Variants in TTBK2 observed in about 807,000 individuals in gnomAD.
TTBK2 encodes the protein tau tubulin kinase 2.
In TTBK2, 28 loss-of-function variants were observed where a neutral mutation model predicts 110.8. The observed-to-expected ratio is 0.25, with a 90% CI of 0.19 to 0.35. TTBK2 has a LOEUF of 0.35. TTBK2 is among the 10% of genes least tolerant of loss of function. TTBK2 has a pLI of 1.00. For synonymous variants in TTBK2, 532 were observed against 527.3 expected (o/e 1.01, Z -0.12); for missense variants, 1,369 against 1,500.3 (o/e 0.91, Z 1.45).
At chr15:42,851,985 G>A (rs906088061) in intron 3 of TTBK2, among the ~76,000 whole-genome samples, 2 of 152,026 alleles carry the variant, frequency 1.3e-5, no homozygotes, top group East Asian at 1.9e-4. Context: ...AAGTATCAAC[G>A]AGCCTAACAT....
At chr15:42,787,408 A>G (rs958152748) in intron 10 of TTBK2, among the ~76,000 whole-genome samples, 2 of 152,216 alleles carry the variant, frequency 1.3e-5, no homozygotes, top group African/African-American at 4.8e-5. Context: ...ATTCTACCAT[A>G]TCATTTGCAA....
intron 13 of TTBK2, among the ~76,000 whole-genome samples, chr15:42,758,381 C>T (rs991197904): frequency 1.4e-4 from 21 of 152,042 alleles, no homozygotes; most frequent in Admixed American, 9.2e-4. Flanking sequence ...ATAGGCTGGG[C>T]GCGGTGGCTC....
At chr15:42,857,813 T>G (rs1238291284) in intron 3 of TTBK2, among the ~76,000 whole-genome samples, 3 of 152,164 alleles carry the variant, frequency 2.0e-5, no homozygotes, top group Non-Finnish European at 4.4e-5. Context: ...CCAGGCTCTG[T>G]GGCTCACATC....
At chr15:42,761,716 G>A (rs879846633) in intron 13 of TTBK2, among the ~76,000 whole-genome samples, 1 of 152,036 alleles carries the variant, frequency 6.6e-6, no homozygotes, top group Non-Finnish European at 1.5e-5. Flanking sequence ...TAGTCATCAG[G>A]GAAATGCAAA....
At position 42,742,572 on chromosome 15, in the gene TTBK2, A is replaced by G. The variant is rs563842930; in HGVS notation, c.*3223T>C. The G allele has an allele frequency of 2.0e-5, 3 of 152,312 alleles. No individual in the cohort carries two copies. Among genetic ancestry groups the G allele is most frequent in the Admixed American group, 6.5e-5 (1 of 15,298 alleles). The allele number at this position is 152,312 out of a possible 1,614,324, so 9.4% of individuals were successfully genotyped here. The stretch of plus-strand genomic sequence containing the variant: ...TTCAGGAGAAATGCTACCTAAAGTG[A>G]TTGAGCTGTTGCTAATTCTACCTTC... On this transcript the variant is annotated 3_prime_UTR_variant, in exon 15 of 15. Coordinates refer to ENST00000267890, the MANE Select transcript of TTBK2 (RefSeq NM_173500.4).
intron 9 of TTBK2, chr15:42,802,299 C>T (rs749607080): frequency 2.5e-5 from 20 of 788,526 alleles, no homozygotes; most frequent in South Asian, 1.5e-4. Flanking sequence ...GGGAGAAGCT[C>T]GAGGAGCTGA....
intron 1 of TTBK2, among the ~76,000 whole-genome samples, chr15:42,880,120 T>C (rs1894982403): frequency 6.6e-6 from 1 of 152,038 alleles, no homozygotes; most frequent in Admixed American, 6.6e-5. Flanking sequence ...ATGTTTTACA[T>C]ATGATTAAAA....
At chr15:42,787,842 G>T (rs541040260) in intron 10 of TTBK2, among the ~76,000 whole-genome samples, 1 of 151,834 alleles carries the variant, frequency 6.6e-6, no homozygotes, top group Admixed American at 6.6e-5. Context: ...TTAACAACGG[G>T]GATACATTCT....
intron 3 of TTBK2, among the ~76,000 whole-genome samples, chr15:42,865,581 G>A (rs923158756): frequency 2.0e-5 from 3 of 150,820 alleles, no homozygotes; most frequent in African/African-American, 7.3e-5. Flanking sequence ...CCAGCACTTT[G>A]TGAGGCTGAG....
intron 9 of TTBK2, among the ~76,000 whole-genome samples, chr15:42,802,669 A>T (rs531027683): frequency 6.6e-6 from 1 of 152,324 alleles, no homozygotes; most frequent in African/African-American, 2.4e-5. Flanking sequence ...ACGGGGATAC[A>T]TTCTGAGAAA....
intron 9 of TTBK2, among the ~76,000 whole-genome samples, chr15:42,808,806 C>T (rs1485937728): frequency 1.3e-5 from 2 of 152,144 alleles, no homozygotes; most frequent in Non-Finnish European, 2.9e-5. Context: ...GCCATGTTTG[C>T]ACCAACTGCA....
intron 1 of TTBK2, among the ~76,000 whole-genome samples, chr15:42,889,119 T>G (rs1020468607): frequency 6.6e-6 from 1 of 152,142 alleles, no homozygotes; most frequent in African/African-American, 2.4e-5. Flanking sequence ...AAATCTATCC[T>G]CAAGGAAATC....
rs145576687 is a variant in TTBK2 at position 42,744,829 on chromosome 15, G to C, written c.*966C>G. 2.6e-5 allele frequency: 4 copies of C among 152,190 alleles called. No homozygotes were observed. Among genetic ancestry groups the C allele is most frequent in the Non-Finnish European group, 4.4e-5 (3 of 68,142 alleles). 9.4% of individuals were successfully genotyped at this position (152,190 alleles called of 1,614,324 possible). Reference sequence around the variant, plus strand: ...CAGTCCAAAGCATTGTGCTTCCCTCGTATCATCTTGGATGCTGATATTACA... The same window carrying C: ...CAGTCCAAAGCATTGTGCTTCCCTCCTATCATCTTGGATGCTGATATTACA... On this transcript the variant is annotated 3_prime_UTR_variant, in exon 15 of 15. Transcript: ENST00000267890.
In TTBK2 at chr15:42,783,449, G is replaced by T. The variant is rs947458869; in HGVS notation, c.1167C>A (p.Asn389Lys). 5.6e-6 allele frequency: 9 copies of T among 1,614,014 alleles called. No homozygotes were observed. Among genetic ancestry groups the T allele is most frequent in the Non-Finnish European group, 6.8e-6 (8 of 1,179,974 alleles). Residue 389 changes from asparagine to lysine, a missense_variant, in exon 11 of 15, where the codon AAC (asparagine) becomes AAA (lysine). Physicochemically the swap from Asn to Lys is moderately conservative, Grantham distance 94 (BLOSUM62 0). Around this residue, in one of 4 missense-constraint regions of TTBK2, gnomAD observed 1,097 missense variants for 1,114.7 expected, o/e 0.98. Coordinates refer to ENST00000267890, the MANE Select transcript of TTBK2 (RefSeq NM_173500.4). ...EKDVWEEMDA[N>K]KNKIKLGICK... ...AAATTCCAAGCTTTATCTTGTTTTT[G>T]TTGGCATCCATCTCTTCCCAAACAT...
rs747970506 is a variant in TTBK2, at chr15:42,872,612, T to G, written c.216A>C (p.Gln72His). ...TTGTATATTCTACAAAGGGCTTACC[T>G]TGCAGCTTTTTCAAAACAGCAACTT... ...KMEVAVLKKL[Q>H]GKDHVCRFIG... is the part of the protein sequence containing the mutation. Residue 72 changes from glutamine to histidine, a missense_variant and splice_region_variant, in exon 3 of 15, where the codon CAA (glutamine) becomes CAC (histidine). Physicochemically the swap from Gln to His is conservative, Grantham distance 24 (BLOSUM62 0). Around this residue, in one of 4 missense-constraint regions of TTBK2, gnomAD observed 122 missense variants for 159.7 expected, o/e 0.76. Transcript: ENST00000267890. 1 of 1,614,140 alleles carries G rather than the reference T, an allele frequency of 6.2e-7. No homozygotes were observed. Among genetic ancestry groups the G allele is most frequent in the Non-Finnish European group, 8.5e-7 (1 of 1,179,994 alleles).
intron 1 of TTBK2, among the ~76,000 whole-genome samples, chr15:42,904,034 C>T (rs1423425494): frequency 6.6e-6 from 1 of 152,126 alleles, no homozygotes; most frequent in Non-Finnish European, 1.5e-5. Context: ...TTGAATCCTG[C>T]CAACAATCAT....
At chr15:42,833,133 CA>C (rs34822264) in intron 4 of TTBK2, among the ~76,000 whole-genome samples, 7 of 139,750 alleles carry the variant, frequency 5.0e-5, no homozygotes, top group African/African-American at 5.3e-5. Flanking sequence ...ATATTACATA[CA>C]AAAAAAAACC....
At chr15:42,801,294 T>C (rs1213250288) in intron 9 of TTBK2, 1 of 1,536,058 alleles carries the variant, frequency 6.5e-7, no homozygotes, top group East Asian at 2.2e-5. Context: ...CAGCTCCTGG[T>C]ACTCACGCAG....
intron 10 of TTBK2, among the ~76,000 whole-genome samples, chr15:42,786,534 T>A (rs1890421234): frequency 6.6e-6 from 1 of 152,218 alleles, no homozygotes; most frequent in African/African-American, 2.4e-5. Flanking sequence ...CCCTTATGTC[T>A]AGCCACTATT....
Sources: allele counts gnomAD v4.1 joint callset (sites outside exome capture counted in the v4.1 genomes callset), GRCh38; gene constraint gnomAD v4.1.1; regional missense constraint gnomAD v4.1.1; transcripts MANE v1.5; gene names NCBI Gene and HGNC (gene_info 2026-07-23, HGNC 2026-07-21).